CSMD2: variants seen among roughly 807,000 people sequenced by gnomAD.
The protein encoded by CSMD2 is CUB and Sushi multiple domains 2, also known as CUB and sushi domain-containing protein 2.
In CSMD2, 130 loss-of-function variants were observed where a neutral mutation model predicts 398.5. That is an observed-to-expected ratio of 0.33 (90% CI 0.28 to 0.38). The LOEUF (loss-of-function observed/expected upper bound fraction) is 0.38. CSMD2 is among the 10% of genes least tolerant of loss of function. The probability of loss-of-function intolerance (pLI) is 1.00; values close to 1 mark genes in which losing one functional copy is unlikely to be tolerated. For missense variants in CSMD2, 3,829 were observed against 4,764.9 expected (o/e 0.80, Z 5.78); for synonymous variants, 1,828 against 1,908.5 (o/e 0.96, Z 1.10).
chr1:33,947,723 C>A (rs1037557307), intron 3 of CSMD2, among the ~76,000 whole-genome samples: 1 of 152,216 alleles, frequency 6.6e-6, no homozygotes, highest in Non-Finnish European at 1.5e-5. Flanking sequence ...GTGTGGTGCA[C>A]TTGAGTTCCC....
intron 15 of CSMD2, among the ~76,000 whole-genome samples, chr1:33,738,675 T>C (rs1442337864): frequency 1.3e-5 from 2 of 152,102 alleles, no homozygotes; most frequent in Admixed American, 6.5e-5. Context: ...AAAGTCAGCA[T>C]TTAACAGGGC....
intron 2 of CSMD2, among the ~76,000 whole-genome samples, chr1:34,051,781 G>A (rs1415857185): frequency 6.6e-6 from 1 of 152,154 alleles, no homozygotes; most frequent in Non-Finnish European, 1.5e-5. Context: ...ATAGTGCAGA[G>A]TTGACAAGGG....
chr1:34,134,884 C>T (rs994652890), intron 1 of CSMD2, among the ~76,000 whole-genome samples: 14 of 152,300 alleles, frequency 9.2e-5, no homozygotes, highest in African/African-American at 2.9e-4. Context: ...TGATTTCCAT[C>T]AGATTCGCAA....
At chr1:33,742,509 C>T (rs1255145079) in intron 14 of CSMD2, among the ~76,000 whole-genome samples, 2 of 151,844 alleles carry the variant, frequency 1.3e-5, no homozygotes, top group East Asian at 3.9e-4. Flanking sequence ...GGATTTATAG[C>T]TTCTTACGAC....
intron 2 of CSMD2, among the ~76,000 whole-genome samples, chr1:34,061,669 C>T (rs1470864903): frequency 2.6e-5 from 4 of 152,188 alleles, no homozygotes; most frequent in African/African-American, 9.7e-5. Context: ...ATGCAAAGTG[C>T]TTAGAGCAGT....
intron 13 of CSMD2, among the ~76,000 whole-genome samples, chr1:33,743,930 CT>C (rs1647174704): frequency 6.6e-6 from 1 of 152,224 alleles, no homozygotes; most frequent in Non-Finnish European, 1.5e-5. Flanking sequence ...ATCCATCCAA[CT>C]GTCTATTTGT....
At chr1:33,922,237 TGGA>T (rs1643967686) in intron 4 of CSMD2, among the ~76,000 whole-genome samples, 1 of 151,038 alleles carries the variant, frequency 6.6e-6, no homozygotes, top group Non-Finnish European at 1.5e-5. Context: ...ACCACAGGAG[TGGA>T]GAAGGCTGGG....
intron 3 of CSMD2, among the ~76,000 whole-genome samples, chr1:33,954,409 G>T (rs566979448): frequency 1.3e-5 from 2 of 152,000 alleles, no homozygotes; most frequent in East Asian, 3.9e-4. Flanking sequence ...TGGTGGTGGG[G>T]GGAGGGAACA....
intron 65 of CSMD2, 116 bp from the exon 66 acceptor site, chr1:33,525,159 A>G: frequency 9.1e-7 from 1 of 1,098,232 alleles, no homozygotes; most frequent in Non-Finnish European, 1.3e-6. Context: ...CCCAATGTCT[A>G]CCATGTGAGG....
At chr1:33,821,343 A>G (rs1441381931) in intron 7 of CSMD2, among the ~76,000 whole-genome samples, 1 of 152,130 alleles carries the variant, frequency 6.6e-6, no homozygotes, top group Non-Finnish European at 1.5e-5. Flanking sequence ...AGGGTAGGCA[A>G]CCCTTTGGCC....
In CSMD2 at chr1:33,560,653, G is replaced by A. The variant is rs573097970; in HGVS notation, c.8381-1180C>T. 6.6e-5 allele frequency among the ~76,000 whole-genome samples: 10 copies of A among 152,324 alleles called. No individual in the cohort carries two copies. The South Asian group carries it at 1.9e-3, about 28-fold the overall frequency. ...CCCTTAGTCCCTAGTTGGCCAGCAT[G>A]GCCAGTACTGCCAGGTCCCTTGCTC... is the stretch of plus-strand genomic sequence containing the variant. On this transcript the variant is annotated intron_variant, in intron 53 of 70. Coordinates refer to ENST00000373381, the MANE Select transcript of CSMD2 (RefSeq NM_001281956.2).
In CSMD2 at chr1:33,636,270, T is replaced by G; in HGVS notation, c.4969+90A>C. 7.6e-7 allele frequency: 1 copy of G among 1,318,026 alleles called. No individual in the cohort carries two copies. Among genetic ancestry groups the G allele is most frequent in the South Asian group, 1.4e-5 (1 of 69,786 alleles). The allele number at this position is 1,318,026 out of a possible 1,614,324, so 81.6% of individuals were successfully genotyped here. On this transcript the variant is annotated intron_variant, in intron 30 of 70. Coordinates refer to ENST00000373381, the MANE Select transcript of CSMD2 (RefSeq NM_001281956.2). This position sits in a 1 kb window ranked among gnomAD's most constrained non-coding sequence, Gnocchi z 4.8. ...TTGGAGGAGCCGGGCTTGAGGACCTTGCCCCCCTCCCTTCCCCAGCCCACA... is the reference window on the plus strand; with the variant it reads ...TTGGAGGAGCCGGGCTTGAGGACCTGGCCCCCCTCCCTTCCCCAGCCCACA...
At chr1:34,086,375 C>T (rs1381598738) in intron 2 of CSMD2, among the ~76,000 whole-genome samples, 3 of 152,312 alleles carry the variant, frequency 2.0e-5, no homozygotes, top group South Asian at 2.1e-4. Flanking sequence ...CTAGCCCTGA[C>T]GGCCTTGAAC....
chr1:33,530,629 A>G (rs1655150531), intron 64 of CSMD2, among the ~76,000 whole-genome samples: 1 of 152,242 alleles, frequency 6.6e-6, no homozygotes, highest in South Asian at 2.1e-4. Flanking sequence ...TAAGTCAAAG[A>G]GATATCTGCA....
At chr1:33,675,570 T>C (rs1288828308) in intron 25 of CSMD2, among the ~76,000 whole-genome samples, 2 of 152,136 alleles carry the variant, frequency 1.3e-5, no homozygotes, top group African/African-American at 2.4e-5. Context: ...ACTATTCCAA[T>C]CAACAGAAAA....
chr1:33,624,596 G>A lies in CSMD2; in HGVS notation c.5548C>T (p.Pro1850Ser), dbSNP rs1641982104. 6.2e-7 allele frequency: 1 copy of A among 1,614,010 alleles called. No individual in the cohort carries two copies. The highest frequency in any genetic ancestry group is 8.5e-7 in the Non-Finnish European group (1 of 1,179,932). The change falls in exon 35 of 71, where the codon CCT becomes TCT. Residue 1850 changes from proline to serine, a missense_variant. Pro to Ser is a moderately conservative substitution (Grantham distance 74). Around this residue, in one of 5 missense-constraint regions of CSMD2, gnomAD observed 2,001 missense variants for 2,567.1 expected, o/e 0.78. Coordinates refer to ENST00000373381, the MANE Select transcript of CSMD2 (RefSeq NM_001281956.2). This position sits in a 1 kb window ranked among gnomAD's most constrained non-coding sequence, Gnocchi z 4.7. ...LTERRGTILS[P>S]GFPEPYLNSL... ...TTGAGGTACGGCTCTGGGAAGCCAG[G>A]GGACAGGATGGTGCCCCTGCGCTCT... is the stretch of plus-strand genomic sequence containing the variant.
intron 3 of CSMD2, among the ~76,000 whole-genome samples, chr1:33,971,247 G>A (rs1322295341): frequency 6.6e-6 from 1 of 152,164 alleles, no homozygotes; most frequent in African/African-American, 2.4e-5. Context: ...CTCCCTTGAG[G>A]CCCCACCTGG....
At chr1:33,910,914 T>C (rs1643414142) in intron 5 of CSMD2, among the ~76,000 whole-genome samples, 1 of 152,204 alleles carries the variant, frequency 6.6e-6, no homozygotes, top group Non-Finnish European at 1.5e-5. Context: ...TAGCTGGAGG[T>C]GGGTTTCTAT....
intron 1 of CSMD2, among the ~76,000 whole-genome samples, chr1:34,147,842 G>T (rs1396365227): frequency 6.6e-6 from 1 of 152,156 alleles, no homozygotes; most frequent in Non-Finnish European, 1.5e-5. Flanking sequence ...CAGCAGCAAG[G>T]CTCACGCAGC....
Sources: gnomAD v4.1 joint callset for allele counts (sites outside exome capture counted in the v4.1 genomes callset) on GRCh38, gnomAD v4.1.1 for gene constraint, gnomAD v4.1.1 regional missense constraint, Gnocchi (gnomAD v3.1) non-coding constraint, MANE v1.5 for transcripts, NCBI Gene and HGNC (gene_info 2026-07-23, HGNC 2026-07-21) for gene names.